The following DLGAP1 variants were observed in gnomAD, a reference collection of about 807,000 sequenced individuals.
DLGAP1 encodes the protein DLG associated protein 1.
In DLGAP1, 11 loss-of-function variants were observed where a neutral mutation model predicts 90.8. The ratio of observed to expected loss-of-function variants is 0.12; its 90% CI spans 0.08 to 0.20. DLGAP1 has a LOEUF of 0.20. Ranked by LOEUF, DLGAP1 falls within the 10% of genes least tolerant of loss-of-function variation. The pLI is 1.00. For missense variants in DLGAP1, 1,050 were observed against 1,333.8 expected, an observed-to-expected ratio of 0.79 and a Z score of 3.31; for synonymous variants, 558 against 540.7, an observed-to-expected ratio of 1.03 and a Z score of -0.44.
intron 3 of DLGAP1, among the ~76,000 whole-genome samples, chr18:3,911,225 T>C (rs188889210): frequency 1.3e-5 from 2 of 152,206 alleles, no homozygotes; most frequent in Admixed American, 1.3e-4. Context: ...GTCTGGATCT[T>C]ATACATATTT....
intron 1 of DLGAP1, among the ~76,000 whole-genome samples, chr18:4,258,364 T>C (rs1014469412): frequency 6.6e-5 from 10 of 152,048 alleles, no homozygotes; most frequent in South Asian, 6.2e-4. Flanking sequence ...GTTTTCAACA[T>C]AGCCGTCAAC....
intron 7 of DLGAP1, among the ~76,000 whole-genome samples, chr18:3,690,427 C>T (rs954331528): frequency 4.6e-5 from 7 of 151,734 alleles, no homozygotes; most frequent in African/African-American, 1.7e-4. Flanking sequence ...AGAGATTTTC[C>T]TTGCCTTGGT....
intron 1 of DLGAP1, among the ~76,000 whole-genome samples, chr18:4,180,721 C>CA (rs2077192960): frequency 6.6e-6 from 1 of 152,172 alleles, no homozygotes; most frequent in Non-Finnish European, 1.5e-5. Flanking sequence ...TTCTCACACA[C>CA]ATATAATATT....
At chr18:3,909,426 T>C (rs2071984257) in intron 3 of DLGAP1, among the ~76,000 whole-genome samples, 2 of 152,232 alleles carry the variant, frequency 1.3e-5, no homozygotes, top group African/African-American at 4.8e-5. Context: ...AACCATTAAC[T>C]GCAATTTGTA....
At chr18:3,741,106 CCATCACCACCACCATCACCACCACCACCA>C (rs1568048445) in intron 6 of DLGAP1, among the ~76,000 whole-genome samples, 1 of 123,892 alleles carries the variant, frequency 8.1e-6, no homozygotes, top group Non-Finnish European at 1.6e-5. Flanking sequence ...ACCACCATCA[CCATCACCACCACCATCACCACCACCACCA>C]CATCACCATC....
At chr18:4,405,733 A>G (rs751441392) in intron 1 of DLGAP1, among the ~76,000 whole-genome samples, 3 of 152,174 alleles carry the variant, frequency 2.0e-5, no homozygotes, top group Non-Finnish European at 4.4e-5. Flanking sequence ...CAAGACAAAG[A>G]TGGGTCCAGG....
At chr18:3,986,117 T>C (rs1226873888) in intron 3 of DLGAP1, 3 of 152,198 alleles carry the variant, frequency 2.0e-5, no homozygotes, top group Non-Finnish European at 2.9e-5. Context: ...AAATCCAACA[T>C]ACCAATTCTC....
At chr18:3,999,605 C>T (rs1568343087) in intron 3 of DLGAP1, among the ~76,000 whole-genome samples, 1 of 140,544 alleles carries the variant, frequency 7.1e-6, no homozygotes, top group Admixed American at 7.0e-5. Context: ...TAGAAAGTAA[C>T]AAAAACAACA....
At chr18:4,097,343 TCAG>T (rs1179243671) in intron 2 of DLGAP1, among the ~76,000 whole-genome samples, 4 of 152,216 alleles carry the variant, frequency 2.6e-5, no homozygotes, top group African/African-American at 7.2e-5. Flanking sequence ...TACATCTGTC[TCAG>T]CAGATTTAAA....
chr18:4,293,736 A>G (rs950448251), intron 1 of DLGAP1: 69 of 152,224 alleles, frequency 4.5e-4, no homozygotes, highest in African/African-American at 1.6e-3. Context: ...ACTATAGTGC[A>G]TAATGTATAA....
chr18:4,056,377 C>T (rs1260443382), intron 2 of DLGAP1, among the ~76,000 whole-genome samples: 1 of 152,144 alleles, frequency 6.6e-6, no homozygotes, highest in Non-Finnish European at 1.5e-5. Context: ...CAGAAGCGGC[C>T]TGGGGAAAAC....
chr18:4,312,467 G>A (rs952775569), intron 1 of DLGAP1, among the ~76,000 whole-genome samples: 3 of 152,142 alleles, frequency 2.0e-5, no homozygotes, highest in Non-Finnish European at 2.9e-5. Flanking sequence ...CCCACCATAA[G>A]TGGAAGAGCA....
At chr18:3,666,127 G>A (rs2146670395) in intron 7 of DLGAP1, among the ~76,000 whole-genome samples, 1 of 152,276 alleles carries the variant, frequency 6.6e-6, no homozygotes, top group East Asian at 1.9e-4. Flanking sequence ...ATGTGATCCA[G>A]GCTACCCGAG....
At chr18:3,941,600 ATCT>A (rs1023249296) in intron 3 of DLGAP1, among the ~76,000 whole-genome samples, 9 of 152,244 alleles carry the variant, frequency 5.9e-5, no homozygotes, top group Admixed American at 5.9e-4. Context: ...AGAGAGAAAT[ATCT>A]TCTTTATCCA....
chr18:3,838,447 C>A (rs9635856), intron 4 of DLGAP1, among the ~76,000 whole-genome samples: 24,331 of 152,130 alleles, frequency 0.16, 2,028 homozygotes, highest in South Asian at 0.25. Flanking sequence ...TTGTCCCTTG[C>A]ATACACAAAA....
At chr18:3,892,935 G>A (rs2071512850) in intron 3 of DLGAP1, among the ~76,000 whole-genome samples, 1 of 148,408 alleles carries the variant, frequency 6.7e-6, no homozygotes, top group Non-Finnish European at 1.5e-5. Context: ...ATTTTTTATA[G>A]GTTTAGGGGA....
At chr18:4,147,291 C>T (rs1057079752) in intron 2 of DLGAP1, among the ~76,000 whole-genome samples, 156 of 152,202 alleles carry the variant, frequency 1.0e-3, no homozygotes, top group African/African-American at 3.5e-3. Context: ...GACATTTCCC[C>T]GGTTGTACTC....
At chr18:4,017,855 C>CT (rs34619561) in intron 2 of DLGAP1, among the ~76,000 whole-genome samples, 334 of 146,400 alleles carry the variant, frequency 2.3e-3, no homozygotes, top group African/African-American at 4.9e-3. Flanking sequence ...ATGTGCTATA[C>CT]TTTTTTTTTT....
At position 3,880,245 on chromosome 18, in the gene DLGAP1, G is replaced by A. The variant is rs770623535; in HGVS notation, c.-72-105C>T. 27 of 629,352 alleles carry A rather than the reference G, an allele frequency of 4.3e-5. No homozygotes were observed. The Middle Eastern group carries it at 1.3e-3, about 30-fold the overall frequency. The allele number at this position is 629,352 out of a possible 1,614,324, so 39.0% of individuals were successfully genotyped here. A position where few individuals can be genotyped will look rare whatever the true frequency, so the allele number is the denominator to read the frequency against. ...GTTGCCCAGGCTAGAGTGCACAGGC[G>A]CCATCTCTGCTTCCTGCAGCCTCCA... is the stretch of plus-strand genomic sequence containing the variant. On this transcript the variant is annotated intron_variant, in intron 3 of 12. Coordinates refer to ENST00000315677, the MANE Select transcript of DLGAP1 (RefSeq NM_004746.4).
Sources: allele counts gnomAD v4.1 joint callset (sites outside exome capture counted in the v4.1 genomes callset), GRCh38; gene constraint gnomAD v4.1.1; transcripts MANE v1.5; gene names NCBI Gene and HGNC (gene_info 2026-07-23, HGNC 2026-07-21).